The following ARHGEF6 variants were observed in gnomAD, a reference collection of about 807,000 sequenced individuals.
The protein encoded by ARHGEF6 is Rac/Cdc42 guanine nucleotide exchange factor 6.
A neutral mutation model predicts 70.3 loss-of-function variants in ARHGEF6; 9 were observed. That is an observed-to-expected ratio of 0.13 (90% confidence interval 0.08 to 0.22). The LOEUF (loss-of-function observed/expected upper bound fraction) is 0.22, where lower values mean the gene tolerates loss of function less well. Among genes scored for constraint, ARHGEF6 ranks in the 10% least tolerant of loss-of-function variants. The probability of loss-of-function intolerance (pLI) is 1.00; values close to 1 mark genes in which losing one functional copy is unlikely to be tolerated. For missense variants in ARHGEF6, 470 were observed against 563.0 expected, an observed-to-expected ratio of 0.83 and a Z score of 1.67; for synonymous variants, 201 against 207.8, an observed-to-expected ratio of 0.97 and a Z score of 0.28.
chrX:136,689,001 G>A lies in ARHGEF6; in HGVS notation c.1186-1010C>T, dbSNP rs748065526. 7.2e-5 allele frequency among the ~76,000 whole-genome samples: 8 copies of A among 111,770 alleles called. No individual in the cohort carries two copies. In the South Asian group the frequency reaches 2.7e-3, roughly 38 times the overall value. ...CCTTTGGAACTCAGCTGGAGTAAGG[G>A]AAGACTAAATCTCCTGCCCCACTAG... On this transcript the variant is annotated intron_variant, in intron 10 of 21. Coordinates refer to ENST00000250617, the MANE Select transcript of ARHGEF6 (RefSeq NM_004840.3).
chrX:136,668,301 T>C, intron 21 of ARHGEF6, 132 bp from the exon 22 acceptor site: 2 of 792,948 alleles, frequency 2.5e-6, no homozygotes, highest in Non-Finnish European at 3.7e-6. Context: ...TCAGCATCTA[T>C]GACAAAGCAG....
intron 9 of ARHGEF6, among the ~76,000 whole-genome samples, chrX:136,694,056 C>CT (rs1222897407): frequency 0.085 from 8,199 of 96,140 alleles, 843 homozygotes; most frequent in African/African-American, 0.27. Context: ...GTCCCCACTC[C>CT]TTTTTTTTTT....
At chrX:136,675,674 C>G (rs2076274684) in intron 18 of ARHGEF6, among the ~76,000 whole-genome samples, 1 of 109,896 alleles carries the variant, frequency 9.1e-6, no homozygotes, top group South Asian at 4.0e-4. Context: ...CGCCACCACA[C>G]CCGGCTAATT....
chrX:136,726,926 CAT>C (rs2076859007), intron 6 of ARHGEF6, among the ~76,000 whole-genome samples: 1 of 112,529 alleles, frequency 8.9e-6, no homozygotes, highest in African/African-American at 3.2e-5. Context: ...TAAAGAATTT[CAT>C]CTTACAAGGG....
At chrX:136,767,531 C>CCGCT in intron 2 of ARHGEF6, 2 of 754,939 alleles carry the variant, frequency 2.6e-6, no homozygotes, top group Non-Finnish European at 3.1e-6. Flanking sequence ...CATAGCCGTG[C>CCGCT]CGCTCGGCGG....
At chrX:136,777,659 T>C (rs1377936788) in intron 2 of ARHGEF6, among the ~76,000 whole-genome samples, 2 of 110,680 alleles carry the variant, frequency 1.8e-5, no homozygotes, top group Non-Finnish European at 3.8e-5. Context: ...ATATTTATAG[T>C]AGCACAATTT....
At chrX:136,689,820 C>G (rs1346993887) in intron 10 of ARHGEF6, among the ~76,000 whole-genome samples, 1 of 111,375 alleles carries the variant, frequency 9.0e-6, no homozygotes, top group African/African-American at 3.3e-5. Context: ...GCCCTCCTCT[C>G]CCACCCACAC....
At chrX:136,672,471 C>A (rs1434506992) in intron 19 of ARHGEF6, among the ~76,000 whole-genome samples, 2 of 111,770 alleles carry the variant, frequency 1.8e-5, no homozygotes, top group Non-Finnish European at 3.8e-5. Flanking sequence ...CTCTTCCCTG[C>A]AAATCTCCAA....
chrX:136,682,895 T>G (rs769987737), intron 12 of ARHGEF6, 51 bp from the exon 13 acceptor site: 1 of 994,228 alleles, frequency 1.0e-6, no homozygotes, highest in Admixed American at 2.2e-5. Flanking sequence ...ACACTTTATC[T>G]GTTGAGAATT....
chrX:136,702,102 T>C lies in ARHGEF6; in HGVS notation c.1046+4806A>G, dbSNP rs749558170. On this transcript the variant is annotated intron_variant, in intron 9 of 21. Transcript: ENST00000250617. Reference sequence around the variant, plus strand: ...GATTTTACTTTATAGAAAAGTGAAATGAATTACAATAATATTATAAGGGAT... The same window carrying C: ...GATTTTACTTTATAGAAAAGTGAAACGAATTACAATAATATTATAAGGGAT... 1.2e-4 allele frequency among the ~76,000 whole-genome samples: 13 copies of C among 111,860 alleles called. No individual in the cohort carries two copies. In the East Asian group the frequency reaches 3.6e-3, roughly 31 times the overall value.
intron 2 of ARHGEF6, among the ~76,000 whole-genome samples, chrX:136,766,591 G>A (rs985214267): frequency 3.6e-5 from 4 of 112,087 alleles, no homozygotes; most frequent in African/African-American, 1.3e-4. Context: ...TAAACTTGAG[G>A]GCTCTCCGCT....
At chrX:136,727,407 C>T (rs1328948658) in intron 6 of ARHGEF6, among the ~76,000 whole-genome samples, 3 of 89,530 alleles carry the variant, frequency 3.4e-5, no homozygotes, top group East Asian at 3.7e-4. Flanking sequence ...CTCTCTCTCT[C>T]TCTCTCTTTC....
intron 9 of ARHGEF6, among the ~76,000 whole-genome samples, chrX:136,694,299 T>C (rs921467277): frequency 7.1e-5 from 8 of 111,986 alleles, no homozygotes; most frequent in Non-Finnish European, 1.5e-4. Context: ...GTGATCCACC[T>C]GCCTCGGCCA....
chrX:136,668,655 C>T (rs910400131), intron 21 of ARHGEF6, among the ~76,000 whole-genome samples: 3 of 108,902 alleles, frequency 2.8e-5, no homozygotes, highest in African/African-American at 1.0e-4. Flanking sequence ...AAGTGATCCT[C>T]TCACTTACCT....
intron 9 of ARHGEF6, among the ~76,000 whole-genome samples, chrX:136,695,191 T>G (rs1417442797): frequency 2.7e-5 from 3 of 112,321 alleles, no homozygotes; most frequent in Non-Finnish European, 5.6e-5. Flanking sequence ...GCATGTAAAA[T>G]AGTTGAGATT....
chrX:136,769,552 A>G (rs1010816099), intron 2 of ARHGEF6, among the ~76,000 whole-genome samples: 1 of 111,876 alleles, frequency 8.9e-6, no homozygotes, highest in Non-Finnish European at 1.9e-5. Context: ...AAGGCAGAGG[A>G]AAGGGTTGGC....
rs1250221101 is a variant in ARHGEF6 at position 136,675,448 on chromosome X, T to A, written c.1946-352A>T. Among the ~76,000 whole-genome samples, 9 of 110,678 alleles carry A rather than the reference T, an allele frequency of 8.1e-5. No individual in the cohort carries two copies. The Admixed American group carries it at 8.6e-4, about 11-fold the overall frequency. On this transcript the variant is annotated intron_variant, in intron 18 of 21. Transcript: ENST00000250617. ...TCCCATCAATATACCCCAGCCTTCCTCTCCTTTAAATTTCAAGGCTCACCT... is the reference window on the plus strand; with the variant it reads ...TCCCATCAATATACCCCAGCCTTCCACTCCTTTAAATTTCAAGGCTCACCT...
intron 6 of ARHGEF6, 31 bp from the exon 7 acceptor site, chrX:136,713,401 C>A: frequency 1.8e-6 from 2 of 1,081,643 alleles, no homozygotes; most frequent in Non-Finnish European, 2.6e-6. Context: ...GTATTATAAT[C>A]ATCACGATAG....
At chrX:136,693,834 C>T (rs1317790841) in intron 9 of ARHGEF6, among the ~76,000 whole-genome samples, 1 of 111,310 alleles carries the variant, frequency 9.0e-6, no homozygotes, top group African/African-American at 3.3e-5. Flanking sequence ...GATTCCTCCT[C>T]TCCACCTCAA....
Sources: allele counts gnomAD v4.1 joint callset (sites outside exome capture counted in the v4.1 genomes callset), GRCh38; gene constraint gnomAD v4.1.1; transcripts MANE v1.5; gene names NCBI Gene and HGNC (gene_info 2026-07-23, HGNC 2026-07-21).